The following ECHDC1 variants were observed in gnomAD, a reference collection of about 807,000 sequenced individuals.
ECHDC1 encodes ethylmalonyl-CoA decarboxylase.
ECHDC1 carries 29 observed loss-of-function variants against 29.7 expected under a neutral mutation model. The ratio of observed to expected loss-of-function variants is 0.98; its 90% CI spans 0.73 to 1.33. The LOEUF is 1.33. Ranked by LOEUF, ECHDC1 falls within the 40% of genes most tolerant of loss-of-function variation. The pLI is 0.00. For missense variants in ECHDC1, 328 were observed against 350.0 expected (o/e 0.94, Z 0.50); for synonymous variants, 126 against 123.1 (o/e 1.02, Z -0.15).
At chr6:127,333,880 T>C (rs962909440) in intron 1 of ECHDC1, among the ~76,000 whole-genome samples, 24 of 152,168 alleles carry the variant, frequency 1.6e-4, no homozygotes, top group Non-Finnish European at 2.1e-4. Context: ...TTAGGCATTC[T>C]AGTGGATGGT....
At chr6:127,326,955 G>A (rs1783400579) in intron 3 of ECHDC1, 47 bp downstream of exon 3, 1 of 1,574,696 alleles carries the variant, frequency 6.4e-7, no homozygotes, top group African/African-American at 1.4e-5. Flanking sequence ...TGCCATACAT[G>A]TCTAATAAAC....
intron 5 of ECHDC1, among the ~76,000 whole-genome samples, chr6:127,314,214 T>C (rs1407206776): frequency 2.0e-4 from 31 of 152,210 alleles, no homozygotes. Flanking sequence ...GAAAGCAGTT[T>C]AAACCATGTC....
intron 2 of ECHDC1, 39 bp downstream of exon 2, chr6:127,330,770 T>C (rs1230399236): frequency 1.3e-6 from 2 of 1,555,818 alleles, no homozygotes; most frequent in African/African-American, 1.4e-5. Flanking sequence ...ACAGTTTAGA[T>C]TTAGTGTCAT....
chr6:127,322,595 T>C (rs965382675), intron 3 of ECHDC1, among the ~76,000 whole-genome samples: 2 of 151,916 alleles, frequency 1.3e-5, no homozygotes, highest in African/African-American at 4.8e-5. Flanking sequence ...CATGTTTTCC[T>C]GCATGACTTA....
intron 5 of ECHDC1, among the ~76,000 whole-genome samples, chr6:127,308,369 T>G (rs1433702190): frequency 1.3e-5 from 2 of 152,104 alleles, no homozygotes; most frequent in East Asian, 3.9e-4. Flanking sequence ...ATGTGAAACA[T>G]CATACCAACA....
intron 5 of ECHDC1, among the ~76,000 whole-genome samples, chr6:127,304,540 C>G (rs1468164325): frequency 6.6e-6 from 1 of 152,088 alleles, no homozygotes; most frequent in Non-Finnish European, 1.5e-5. Flanking sequence ...CATGTACCCA[C>G]CAAATGAACT....
At chr6:127,335,420 A>C (rs999234828) in intron 1 of ECHDC1, among the ~76,000 whole-genome samples, 3 of 152,096 alleles carry the variant, frequency 2.0e-5, no homozygotes, top group Admixed American at 1.3e-4. Context: ...TATATTTTAG[A>C]GTGTGACAAA....
intron 1 of ECHDC1, among the ~76,000 whole-genome samples, chr6:127,332,207 G>A (rs542676243): frequency 2.0e-5 from 3 of 152,056 alleles, no homozygotes; most frequent in African/African-American, 7.2e-5. Context: ...TCTAATACAC[G>A]AGATTACTTT....
intron 5 of ECHDC1, among the ~76,000 whole-genome samples, chr6:127,311,816 A>T (rs1470355836): frequency 6.6e-6 from 1 of 151,580 alleles, no homozygotes; most frequent in African/African-American, 2.4e-5. Flanking sequence ...TAGTATGATA[A>T]ATGAAAAAAA....
intron 1 of ECHDC1, among the ~76,000 whole-genome samples, chr6:127,340,170 T>C (rs1166094016): frequency 6.6e-6 from 1 of 152,264 alleles, no homozygotes; most frequent in Non-Finnish European, 1.5e-5. Context: ...GTCTAGTTAG[T>C]AGTATTCTTC....
At chr6:127,308,758 A>G (rs1412888121) in intron 5 of ECHDC1, among the ~76,000 whole-genome samples, 1 of 152,202 alleles carries the variant, frequency 6.6e-6, no homozygotes. Context: ...GAAAAAGCCT[A>G]AAGTTGCAAA....
At chr6:127,308,843 CAGTA>C (rs1387974376) in intron 5 of ECHDC1, among the ~76,000 whole-genome samples, 9 of 152,094 alleles carry the variant, frequency 5.9e-5, no homozygotes, top group Admixed American at 1.3e-4. Context: ...GAAATCAAAA[CAGTA>C]ATCCCATTTA....
intron 5 of ECHDC1, among the ~76,000 whole-genome samples, chr6:127,293,753 AGCTTTT>A: frequency 6.6e-6 from 1 of 152,154 alleles, no homozygotes; most frequent in South Asian, 2.1e-4. Flanking sequence ...TCTGTATACT[AGCTTTT>A]AATACTATTA....
chr6:127,315,550 TTTGTAGGTTCTGACCTACAATGCAAAGG>T (rs1323654617), intron 4 of ECHDC1: 2 of 214,236 alleles, frequency 9.3e-6, no homozygotes, highest in Non-Finnish European at 1.9e-5. Context: ...AGATGGAATT[TTTGTAGGTTCTGACCTACAATGCAAAGG>T]TGCAGGTCTA....
intron 1 of ECHDC1, chr6:127,331,899 G>T (rs1783991271): frequency 1.0e-6 from 1 of 985,038 alleles, no homozygotes; most frequent in Non-Finnish European, 1.2e-6. Context: ...ATAGGAATGT[G>T]TGTGTGGTTT....
At chr6:127,342,343 C>T in intron 1 of ECHDC1, 1 of 1,545,046 alleles carries the variant, frequency 6.5e-7, no homozygotes, top group East Asian at 2.5e-5. Flanking sequence ...TGTTTATAAT[C>T]CTCACAACTC....
intron 4 of ECHDC1, chr6:127,315,922 C>A (rs1303685061): frequency 8.5e-6 from 4 of 470,226 alleles, no homozygotes; most frequent in South Asian, 1.6e-5. Flanking sequence ...CAGTTTGTAA[C>A]CTCAAACATA....
chr6:127,321,494 C>T (rs535417029), intron 3 of ECHDC1, among the ~76,000 whole-genome samples: 2 of 152,216 alleles, frequency 1.3e-5, no homozygotes, highest in South Asian at 2.1e-4. Context: ...ATGGAAATAT[C>T]GGGAACTTTA....
intron 3 of ECHDC1, among the ~76,000 whole-genome samples, chr6:127,316,834 A>T (rs1053228964): frequency 6.6e-6 from 1 of 152,140 alleles, no homozygotes; most frequent in African/African-American, 2.4e-5. Flanking sequence ...TATCCTTAAG[A>T]TGATAAACAT....
Sources: gnomAD v4.1 joint callset for allele counts (sites outside exome capture counted in the v4.1 genomes callset) on GRCh38, gnomAD v4.1.1 for gene constraint, MANE v1.5 for transcripts, NCBI Gene and HGNC (gene_info 2026-07-23, HGNC 2026-07-21) for gene names.